Variants in MTA3 observed in about 807,000 individuals in gnomAD.
MTA3 encodes the protein metastasis associated 1 family member 3, also known as metastasis-associated protein MTA3.
A neutral mutation model predicts 83.5 loss-of-function variants in MTA3; 34 were observed. The observed-to-expected ratio is 0.41, with a 90% CI of 0.31 to 0.54. MTA3 has a LOEUF of 0.54. Among genes scored for constraint, MTA3 ranks in the 20% least tolerant of loss-of-function variants. The probability of loss-of-function intolerance (pLI) is 0.33; values close to 1 mark genes in which losing one functional copy is unlikely to be tolerated. For synonymous variants in MTA3, 303 were observed against 252.7 expected, an observed-to-expected ratio of 1.20 and a Z score of -1.89; for missense variants, 761 against 726.4, an observed-to-expected ratio of 1.05 and a Z score of -0.55.
chr2:42,703,155 G>C (rs908527437), intron 11 of MTA3: 1 of 152,190 alleles, frequency 6.6e-6, no homozygotes, highest in East Asian at 1.9e-4. Context: ...TAGAGACAGA[G>C]TCTCACTGTG....
chr2:42,576,855 C>G (rs1327987865), intron 2 of MTA3, among the ~76,000 whole-genome samples: 4 of 152,036 alleles, frequency 2.6e-5, no homozygotes, highest in Admixed American at 1.3e-4. Flanking sequence ...TGAGATCGTG[C>G]CATTGCACTC....
chr2:42,700,706 G>A (rs1573673305), intron 11 of MTA3, among the ~76,000 whole-genome samples: 1 of 152,262 alleles, frequency 6.6e-6, no homozygotes. Context: ...AAGGAATATT[G>A]TATATTATTG....
At chr2:42,568,823 C>CG (rs1459819644) in intron 1 of MTA3, 50 bp downstream of exon 1, 4 of 1,211,082 alleles carry the variant, frequency 3.3e-6, no homozygotes, top group South Asian at 8.3e-5. Flanking sequence ...GTTCCGGGAG[C>CG]GGGGGGCCGG....
chr2:42,661,968 T>C (rs1689764876), intron 8 of MTA3, among the ~76,000 whole-genome samples: 1 of 152,204 alleles, frequency 6.6e-6, no homozygotes, highest in Admixed American at 6.5e-5. Flanking sequence ...ACAGATCTGC[T>C]ATGTATGTAG....
At chr2:42,514,318 A>G (rs1675036813) in intron 2 of MTA3, among the ~76,000 whole-genome samples, 1 of 152,324 alleles carries the variant, frequency 6.6e-6, no homozygotes, top group African/African-American at 2.4e-5. Context: ...CACTATTTAT[A>G]TGATGCTTGT....
intron 2 of MTA3, among the ~76,000 whole-genome samples, chr2:42,543,140 C>G (rs936796783): frequency 6.6e-6 from 1 of 152,078 alleles, no homozygotes; most frequent in African/African-American, 2.4e-5. Context: ...GTGGCATCAA[C>G]TGTTTGCTGG....
chr2:42,605,136 C>T (rs1481975199), intron 3 of MTA3, among the ~76,000 whole-genome samples: 2 of 149,930 alleles, frequency 1.3e-5, no homozygotes, highest in Non-Finnish European at 1.5e-5. Context: ...GGCAGAGGGG[C>T]TCCTCACTTC....
chr2:42,739,171 C>G (rs1668833523), intron 16 of MTA3, among the ~76,000 whole-genome samples: 1 of 152,052 alleles, frequency 6.6e-6, no homozygotes, highest in African/African-American at 2.4e-5. Context: ...CATCACAGAT[C>G]CTACCAACGT....
intron 2 of MTA3, among the ~76,000 whole-genome samples, chr2:42,507,575 A>G (rs1294683005): frequency 3.3e-5 from 5 of 152,082 alleles, no homozygotes; most frequent in African/African-American, 1.2e-4. Context: ...GTTGGTTATT[A>G]TAAACCTTTC....
chr2:42,715,402 ACTACT>A lies in MTA3; in HGVS notation c.1526-3585_1526-3581del, dbSNP rs1558613561. Among the ~76,000 whole-genome samples the A allele has an allele frequency of 5.4e-3, 645 of 119,132 alleles. 7 individuals are homozygous for A. Among genetic ancestry groups the A allele is most frequent in the African/African-American group, 0.021 (616 of 29,862 alleles). The allele number at this position is 119,132 out of a possible 152,430, so 78.2% of individuals were successfully genotyped here. A position where few individuals can be genotyped will look rare whatever the true frequency, so the allele number is the denominator to read the frequency against. On this transcript the variant is annotated intron_variant, in intron 14 of 16. Transcript: ENST00000405094. ...AGTTGAGACATAATTCTTGCCACCA[ACTACT>A]TTTTTTTTTTTTTTTTTTTTTTTGA...
chr2:42,623,841 C>T (rs545485522), intron 4 of MTA3, among the ~76,000 whole-genome samples: 66 of 152,154 alleles, frequency 4.3e-4, no homozygotes, highest in African/African-American at 1.6e-3. Context: ...CAGGTGTGCG[C>T]CACTACACCC....
At chr2:42,496,181 G>A (rs567708564) in intron 2 of MTA3, among the ~76,000 whole-genome samples, 63 of 152,260 alleles carry the variant, frequency 4.1e-4, no homozygotes, top group Middle Eastern at 6.8e-3. Context: ...TTACATTTGA[G>A]CTTAGAAAAC....
intron 8 of MTA3, among the ~76,000 whole-genome samples, chr2:42,664,932 T>C (rs1009840361): frequency 6.6e-6 from 1 of 152,198 alleles, no homozygotes; most frequent in Admixed American, 6.5e-5. Flanking sequence ...ACATCAGTAG[T>C]TCTCACATCC....
At position 42,568,733 on chromosome 2, in the gene MTA3, C is replaced by A; in HGVS notation, c.-13C>A. Reference sequence around the variant, plus strand: ...CGGGGCTCGGCTCGGGCTCCGCGGGCGGGCGGGCGGACATGGCGGCCAACA... The same window carrying A: ...CGGGGCTCGGCTCGGGCTCCGCGGGAGGGCGGGCGGACATGGCGGCCAACA... On this transcript the variant is annotated 5_prime_UTR_variant, in exon 1 of 17. Transcript: ENST00000405094. 1 of 1,215,056 alleles carries A rather than the reference C, an allele frequency of 8.2e-7. No individual in the cohort carries two copies. 75.3% of individuals were successfully genotyped at this position (1,215,056 alleles called of 1,614,324 possible). A position where few individuals can be genotyped will look rare whatever the true frequency, so the allele number is the denominator to read the frequency against.
rs1191705414 is a variant in MTA3, at chr2:42,644,158, C to A, written c.413C>A (p.Pro138His). Residue 138 changes from proline to histidine, a missense_variant, in exon 6 of 17, where the codon CCC (proline) becomes CAC (histidine). By Grantham distance (77) the Pro-to-His change is moderately conservative (BLOSUM62 -2). Coordinates refer to ENST00000405094, the MANE Select transcript of MTA3 (RefSeq NM_001330442.2). Reference sequence around the variant, plus strand: ...TTCTTCTACTCATTGGTCTATGACCCCTCATTGAAAACACTATTAGCTGAC... The same window carrying A: ...TTCTTCTACTCATTGGTCTATGACCACTCATTGAAAACACTATTAGCTGAC... ...DTFFYSLVYD[P>H]SLKTLLADKG... is the part of the protein sequence containing the mutation. 6.2e-7 allele frequency: 1 copy of A among 1,611,232 alleles called. No homozygotes were observed. Among genetic ancestry groups the A allele is most frequent in the Non-Finnish European group, 8.5e-7 (1 of 1,178,626 alleles).
intron 3 of MTA3, among the ~76,000 whole-genome samples, chr2:42,583,511 T>G (rs1327689378): frequency 6.6e-6 from 1 of 152,166 alleles, no homozygotes; most frequent in Non-Finnish European, 1.5e-5. Flanking sequence ...AGTTTTTCCA[T>G]TTAAAAAACT....
intron 3 of MTA3, among the ~76,000 whole-genome samples, chr2:42,583,500 T>C (rs953541098): frequency 1.3e-5 from 2 of 152,192 alleles, no homozygotes; most frequent in Non-Finnish European, 2.9e-5. Context: ...TCCTGAACTT[T>C]AGTTTTTCCA....
chr2:42,570,589 G>T (rs1480071304), intron 2 of MTA3, 85 bp downstream of exon 2: 14 of 734,504 alleles, frequency 1.9e-5, no homozygotes, highest in Non-Finnish European at 2.7e-5. Context: ...GCCTGGTGTG[G>T]GGGCTCATGC....
intron 2 of MTA3, among the ~76,000 whole-genome samples, chr2:42,554,807 C>T (rs1202101115): frequency 1.3e-5 from 2 of 152,152 alleles, no homozygotes; most frequent in Non-Finnish European, 2.9e-5. Flanking sequence ...CTGATTGGAA[C>T]CTGTATCAGG....
Sources: allele counts gnomAD v4.1 joint callset (sites outside exome capture counted in the v4.1 genomes callset), GRCh38; gene constraint gnomAD v4.1.1; transcripts MANE v1.5; gene names NCBI Gene and HGNC (gene_info 2026-07-23, HGNC 2026-07-21).